NLGN4Y: variants seen among roughly 807,000 people sequenced by gnomAD.
NLGN4Y encodes neuroligin-4, Y-linked.
A neutral mutation model predicts 8.4 loss-of-function variants in NLGN4Y; 4 were observed. The ratio of observed to expected loss-of-function variants is 0.48; its 90% confidence interval spans 0.23 to 1.09. The LOEUF (loss-of-function observed/expected upper bound fraction) is 1.09. Among genes scored for constraint, NLGN4Y ranks in the 50% least tolerant of loss-of-function variants. The pLI is 0.19. For synonymous variants in NLGN4Y, 35 were observed against 75.6 expected, an observed-to-expected ratio of 0.46 and a Z score of 2.78; for missense variants, 90 against 192.3, an observed-to-expected ratio of 0.47 and a Z score of 3.15.
At chrY:14,524,854 T>C (rs1398226156) in intron 1 of NLGN4Y, 146 bp downstream of exon 1, 1 of 121,999 alleles carries the variant, frequency 8.2e-6, no homozygotes. Context: ...AGGGACACTC[T>C]CATCCTTCAG....
intron 2 of NLGN4Y, among the ~76,000 whole-genome samples, chrY:14,651,483 C>G: frequency 9.1e-5 from 3 of 32,838 alleles, no homozygotes; most frequent in Admixed American, 5.6e-4. Context: ...TTTTGTACTC[C>G]TGGTATAAAA....
At chrY:14,554,118 G>A in intron 1 of NLGN4Y, among the ~76,000 whole-genome samples, 2 of 30,091 alleles carry the variant, frequency 6.6e-5, no homozygotes, top group Non-Finnish European at 1.6e-4. Context: ...CTCAATGTAT[G>A]CCTATATGCT....
chrY:14,542,431 C>T, intron 1 of NLGN4Y, among the ~76,000 whole-genome samples: 6 of 33,117 alleles, frequency 1.8e-4, no homozygotes, highest in Admixed American at 1.6e-3. Flanking sequence ...ACTTGAACTC[C>T]GCTCTGGATC....
intron 2 of NLGN4Y, among the ~76,000 whole-genome samples, chrY:14,660,205 A>G (rs766760747): frequency 9.0e-5 from 3 of 33,417 alleles, no homozygotes; most frequent in Admixed American, 5.5e-4. Flanking sequence ...CCAATCTTGG[A>G]GGCAGCCTGA....
intron 2 of NLGN4Y, among the ~76,000 whole-genome samples, chrY:14,628,810 T>C: frequency 3.1e-5 from 1 of 32,150 alleles, no homozygotes; most frequent in East Asian, 8.0e-4. Context: ...TTTTTTTTAT[T>C]TAGAGACAGG....
intron 1 of NLGN4Y, among the ~76,000 whole-genome samples, chrY:14,613,164 G>T: frequency 3.1e-5 from 1 of 32,615 alleles, no homozygotes; most frequent in Non-Finnish European, 7.5e-5. Context: ...AAGTGTCCCA[G>T]GTCAACTTCA....
At chrY:14,595,845 G>A (rs2080395257) in intron 1 of NLGN4Y, among the ~76,000 whole-genome samples, 3 of 33,405 alleles carry the variant, frequency 9.0e-5, no homozygotes, top group East Asian at 1.6e-3. Flanking sequence ...ATGGAGGACC[G>A]AGGAAGGTCG....
chrY:14,632,826 C>A (rs895339745), intron 2 of NLGN4Y, among the ~76,000 whole-genome samples: 27 of 33,415 alleles, frequency 8.1e-4, no homozygotes, highest in Non-Finnish European at 3.7e-4. Context: ...TTTCTGATAG[C>A]ATGTTTCTCT....
chrY:14,605,504 T>TTA (rs2080444377), intron 1 of NLGN4Y, among the ~76,000 whole-genome samples: 5 of 32,145 alleles, frequency 1.6e-4, no homozygotes, highest in Non-Finnish European at 3.0e-4. Flanking sequence ...TTATTTTCAT[T>TTA]TATATATATA....
intron 2 of NLGN4Y, among the ~76,000 whole-genome samples, chrY:14,713,064 C>T: frequency 3.0e-5 from 1 of 33,665 alleles, no homozygotes; most frequent in Non-Finnish European, 7.4e-5. Context: ...CCGGGAGGAG[C>T]AATATGGAAA....
chrY:14,839,467 CT>C (rs2043207792), intron 6 of NLGN4Y, among the ~76,000 whole-genome samples: 1 of 33,102 alleles, frequency 3.0e-5, no homozygotes, highest in African/African-American at 1.2e-4. Flanking sequence ...TAAGATAATT[CT>C]TCAGTGTATA....
intron 1 of NLGN4Y, among the ~76,000 whole-genome samples, chrY:14,585,470 C>A: frequency 3.1e-5 from 1 of 32,753 alleles, no homozygotes; most frequent in Non-Finnish European, 7.5e-5. Context: ...AAAAACAAAA[C>A]AAAACCAAAA....
intron 2 of NLGN4Y, among the ~76,000 whole-genome samples, chrY:14,666,805 T>C (rs777780651): frequency 3.0e-5 from 1 of 33,286 alleles, no homozygotes; most frequent in South Asian, 6.7e-4. Context: ...CTCCATCTTA[T>C]TAAACCAGGT....
chrY:14,671,599 C>A (rs2080711059), intron 2 of NLGN4Y, among the ~76,000 whole-genome samples: 1 of 31,001 alleles, frequency 3.2e-5, no homozygotes, highest in Non-Finnish European at 7.7e-5. Context: ...ATAATCCCAG[C>A]ACATTGAGAG....
intron 4 of NLGN4Y, among the ~76,000 whole-genome samples, chrY:14,765,505 G>A: frequency 3.0e-5 from 1 of 33,248 alleles, no homozygotes; most frequent in African/African-American, 1.2e-4. Flanking sequence ...GTGCAAAACA[G>A]GTAAAAGCAG....
At chrY:14,749,331 T>A (rs916188527) in intron 4 of NLGN4Y, among the ~76,000 whole-genome samples, 1 of 33,245 alleles carries the variant, frequency 3.0e-5, no homozygotes, top group Non-Finnish European at 7.4e-5. Context: ...CCTGTAGGGC[T>A]GCAATTCCTG....
At chrY:14,570,157 C>A (rs909617845) in intron 1 of NLGN4Y, among the ~76,000 whole-genome samples, 1 of 33,824 alleles carries the variant, frequency 3.0e-5, no homozygotes, top group Non-Finnish European at 7.3e-5. Flanking sequence ...TGGGATAGGA[C>A]CCTCTCTGGA....
intron 4 of NLGN4Y, among the ~76,000 whole-genome samples, chrY:14,758,534 T>G: frequency 2.9e-5 from 1 of 33,916 alleles, no homozygotes; most frequent in African/African-American, 1.1e-4. Flanking sequence ...CCCTAACTAT[T>G]TCTTCAAGAT....
chrY:14,725,124 G>A, intron 4 of NLGN4Y, among the ~76,000 whole-genome samples: 1 of 33,250 alleles, frequency 3.0e-5, no homozygotes, highest in Non-Finnish European at 7.4e-5. Context: ...CCACCCAATC[G>A]ATGATTATTG....
Sources: allele counts gnomAD v4.1 joint callset (sites outside exome capture counted in the v4.1 genomes callset), GRCh38; gene constraint gnomAD v4.1.1; transcripts MANE v1.5; gene names NCBI Gene and HGNC (gene_info 2026-07-23, HGNC 2026-07-21).